Variants in IMPG2 observed in about 807,000 individuals in gnomAD.
IMPG2 encodes the protein IPM 200.
IMPG2 carries 91 observed loss-of-function variants against 129.2 expected under a neutral mutation model. That is an observed-to-expected ratio of 0.70 (90% CI 0.59 to 0.84). The LOEUF is 0.84. Ranked by LOEUF, IMPG2 falls within the 40% of genes least tolerant of loss-of-function variation. The pLI is 0.00. For missense variants in IMPG2, 1,430 were observed against 1,461.7 expected, an observed-to-expected ratio of 0.98 and a Z score of 0.35; for synonymous variants, 510 against 517.7, an observed-to-expected ratio of 0.99 and a Z score of 0.20.
chr3:101,256,217 G>GAAAGAGAAAGAAAGAAAGAAAGAACGAAC (rs1553682324), intron 10 of IMPG2, among the ~76,000 whole-genome samples: 5 of 138,170 alleles, frequency 3.6e-5, no homozygotes, highest in African/African-American at 1.4e-4. Context: ...AAGAAAGAAA[G>GAAAGAGAAAGAAAGAAAGAAAGAACGAAC]AAAAAAATAT....
intron 2 of IMPG2, 65 bp from the exon 3 acceptor site, chr3:101,304,377 T>G: frequency 7.2e-6 from 10 of 1,386,044 alleles, no homozygotes; most frequent in Middle Eastern, 1.8e-4. Context: ...ACAATGATCA[T>G]AGACTGATTC....
chr3:101,301,930 C>G (rs1334065837), intron 3 of IMPG2, among the ~76,000 whole-genome samples: 1 of 152,216 alleles, frequency 6.6e-6, no homozygotes, highest in African/African-American at 2.4e-5. Context: ...TACAACCCTT[C>G]AATGGTTTCC....
intron 14 of IMPG2, 104 bp from the exon 15 acceptor site, chr3:101,233,095 C>T: frequency 2.0e-6 from 2 of 980,730 alleles, no homozygotes; most frequent in Non-Finnish European, 1.6e-6. Context: ...TGGGACAACT[C>T]CTTTCCAGAA....
chr3:101,297,473 C>A (rs1270999122), intron 3 of IMPG2, among the ~76,000 whole-genome samples: 1 of 151,990 alleles, frequency 6.6e-6, no homozygotes, highest in East Asian at 1.9e-4. Flanking sequence ...GCCTCTCTGG[C>A]TCTTTAATTG....
intron 2 of IMPG2, among the ~76,000 whole-genome samples, chr3:101,304,871 G>A (rs1387482640): frequency 1.3e-5 from 2 of 150,964 alleles, no homozygotes; most frequent in South Asian, 2.1e-4. Flanking sequence ...AAAAAAACAG[G>A]AGTATTCAAA....
chr3:101,246,210 A>C, intron 11 of IMPG2, 105 bp from the exon 12 acceptor site: 1 of 1,050,444 alleles, frequency 9.5e-7, no homozygotes, highest in Non-Finnish European at 1.4e-6. Flanking sequence ...TCTAGGGACA[A>C]GGAGGCGGTG....
At chr3:101,315,509 A>G (rs916684327) in intron 2 of IMPG2, among the ~76,000 whole-genome samples, 3 of 152,046 alleles carry the variant, frequency 2.0e-5, no homozygotes, top group Non-Finnish European at 2.9e-5. Context: ...ATTATCAAAA[A>G]TATGGTATAA....
chr3:101,309,912 A>T (rs1417827813), intron 2 of IMPG2, among the ~76,000 whole-genome samples: 32 of 152,346 alleles, frequency 2.1e-4, no homozygotes, highest in East Asian at 5.8e-4. Context: ...GAGTGAAAGA[A>T]GCATTACACA....
At position 101,244,543 on chromosome 3, in the gene IMPG2, T is replaced by C. The variant is rs1706453526; in HGVS notation, c.1788A>G (p.Ile596Met). ...ACCCTGAACCTAAACCACCGTCAAATATTAACTCTTTTTCCATGGATGCAT... is the reference window on the plus strand; with the variant it reads ...ACCCTGAACCTAAACCACCGTCAAACATTAACTCTTTTTCCATGGATGCAT... ...LPDASMEKEL[I>M]FDGGLGSGSG... The change falls in exon 13 of 19, where the codon ATA (isoleucine) becomes ATG (methionine). Residue 596 changes from isoleucine (I) to methionine (M), a missense_variant. Physicochemically the swap from Ile to Met is conservative, Grantham distance 10. Coordinates refer to ENST00000193391, the MANE Select transcript of IMPG2 (RefSeq NM_016247.4). 1 of 1,596,832 alleles carries C rather than the reference T, an allele frequency of 6.3e-7. No homozygotes were observed. The highest frequency in any genetic ancestry group is 1.3e-5 in the African/African-American group (1 of 74,110).
intron 9 of IMPG2, among the ~76,000 whole-genome samples, chr3:101,261,314 T>C (rs1388339221): frequency 3.9e-5 from 6 of 152,172 alleles, no homozygotes; most frequent in Non-Finnish European, 5.9e-5. Flanking sequence ...CTATGTCAGT[T>C]AGCACTTCAG....
Position 101,243,854 on chromosome 3 carries a change from AG to A in IMPG2, c.2476del (p.Leu826CysfsTer2). The A allele has an allele frequency of 6.2e-7, 1 of 1,614,202 alleles. No homozygotes were observed. Among genetic ancestry groups the A allele is most frequent in the Non-Finnish European group, 8.5e-7 (1 of 1,180,026 alleles). The stretch of plus-strand genomic sequence containing the variant: ...ACCCATAATTACTTCATCCTCTAGC[AG>A]GGTGGAGATTGTGGTTGGAGGCAAT... Reference protein sequence around the residue: ...TKLPPTTISTLLEDEVIMGVQ... With the variant: ...TKLPPTTISTXLEDEVIMGVQ... On this transcript the variant is annotated frameshift_variant, in exon 13 of 19. Transcript: ENST00000193391. LOFTEE classifies it high-confidence loss of function.
rs537403217 is a variant in IMPG2 at position 101,320,503 on chromosome 3, C to T, written c.-131G>A. 364 of 677,160 alleles carry T rather than the reference C, an allele frequency of 5.4e-4. 2 individuals carry two copies. The highest frequency in any genetic ancestry group is 1.3e-3 in the Admixed American group (53 of 40,376). The allele number at this position is 677,160 out of a possible 1,614,324, so 41.9% of individuals were successfully genotyped here. ...AAAGTCTATGTTTGAGAATGAACAA[C>T]CACTTCAAAACCATTATAAATTAGC... On this transcript the variant is annotated 5_prime_UTR_variant, in exon 1 of 19. It introduces an in-frame stop codon into an upstream open reading frame of the 5' UTR. Coordinates refer to ENST00000193391, the MANE Select transcript of IMPG2 (RefSeq NM_016247.4).
In IMPG2 at chr3:101,229,478, G is replaced by A. The variant is rs1706261533; in HGVS notation, c.3535C>T (p.Gln1179Ter). Residue 1179 changes from glutamine to a stop codon, truncating the protein, a stop_gained, in exon 17 of 19, where the codon CAG becomes TAG. Transcript: ENST00000193391. LOFTEE classifies it high-confidence loss of function. Reference sequence around the variant, plus strand: ...CTAGCAGAGCTGTAGAAGGGATGCTGAGGATAGGGTCCCTCATACTTCTCA... The same window carrying A: ...CTAGCAGAGCTGTAGAAGGGATGCTAAGGATAGGGTCCCTCATACTTCTCA... Reference protein sequence around the residue: ...GCEKYEGPYPQHPFYSSASGD... With the variant: ...GCEKYEGPYP The A allele has an allele frequency of 6.2e-7, 1 of 1,613,394 alleles. No homozygotes were observed. The highest frequency in any genetic ancestry group is 1.1e-5 in the South Asian group (1 of 91,042).
rs1310954145 is a variant in IMPG2, at chr3:101,228,766, G to T, written c.3713+31C>A. 2.6e-6 allele frequency: 4 copies of T among 1,562,004 alleles called. No homozygotes were observed. In the African/African-American group the frequency reaches 4.1e-5, roughly 16 times the overall value. Reference sequence around the variant, plus strand: ...CTAGAGTAAACTGTTAAGTCTGTAGGTCGGGGTGGGGGGCTGTTTCAAAAG... The same window carrying T: ...CTAGAGTAAACTGTTAAGTCTGTAGTTCGGGGTGGGGGGCTGTTTCAAAAG... On this transcript the variant is annotated intron_variant, in intron 18 of 18. Transcript: ENST00000193391.
intron 15 of IMPG2, among the ~76,000 whole-genome samples, chr3:101,232,287 G>A (rs1706296706): frequency 6.6e-6 from 1 of 151,410 alleles, no homozygotes; most frequent in Non-Finnish European, 1.5e-5. Flanking sequence ...GCCCAGGCTG[G>A]AGTGCAGTGG....
Position 101,244,789 on chromosome 3 carries a change from T to G in IMPG2, c.1544-2A>C, listed in dbSNP as rs779438829. ...CTGACTCTTCAACATTGGCTAATCC[T>G]AAAAATAAAGTTTTCCATTAATTAA... On this transcript the variant is annotated splice_acceptor_variant, in intron 12 of 18. Transcript: ENST00000193391. LOFTEE classifies it high-confidence loss of function. 2.5e-6 allele frequency: 4 copies of G among 1,612,888 alleles called. No homozygotes were observed. In the South Asian group the frequency reaches 4.4e-5, roughly 18 times the overall value.
At chr3:101,227,110 A>G in intron 18 of IMPG2, 129 bp from the exon 19 acceptor site, 1 of 1,098,858 alleles carries the variant, frequency 9.1e-7, no homozygotes, top group Admixed American at 2.1e-5. Flanking sequence ...TCTTTATTTG[A>G]AGGAAAGTTG....
intron 11 of IMPG2, among the ~76,000 whole-genome samples, chr3:101,252,065 G>A (rs1353662005): frequency 6.6e-6 from 1 of 152,074 alleles, no homozygotes; most frequent in Non-Finnish European, 1.5e-5. Context: ...CAATGCAAAT[G>A]AAAGCACTGC....
At chr3:101,254,613 A>G (rs72930588) in intron 10 of IMPG2, among the ~76,000 whole-genome samples, 3,302 of 152,230 alleles carry the variant, frequency 0.022, 115 homozygotes, top group African/African-American at 0.076. Context: ...TCACATAGAG[A>G]TATCAAGCAA....
Sources: gnomAD v4.1 joint callset for allele counts (sites outside exome capture counted in the v4.1 genomes callset) on GRCh38, gnomAD v4.1.1 for gene constraint, MANE v1.5 for transcripts, NCBI Gene and HGNC (gene_info 2026-07-23, HGNC 2026-07-21) for gene names.